MCC: variants seen among roughly 807,000 people sequenced by gnomAD.
The protein encoded by MCC is MCC regulator of Wnt signaling pathway, also known as colorectal mutant cancer protein.
Under a neutral mutation model 116.2 loss-of-function variants are expected in MCC, and 90 were observed. The observed-to-expected ratio is 0.77, with a 90% CI of 0.65 to 0.92. The LOEUF (loss-of-function observed/expected upper bound fraction) is 0.92, where lower values mean the gene tolerates loss of function less well. Among genes scored for constraint, MCC ranks in the 40% least tolerant of loss-of-function variants. The pLI, the probability that MCC is intolerant of heterozygous loss-of-function variation, is 0.00. For synonymous variants in MCC, 578 were observed against 510.5 expected (o/e 1.13, Z -1.78); for missense variants, 1,516 against 1,312.2 (o/e 1.16, Z -2.40).
chr5:113,221,436 C>G (rs1763548564), intron 3 of MCC, among the ~76,000 whole-genome samples: 1 of 152,226 alleles, frequency 6.6e-6, no homozygotes, highest in Non-Finnish European at 1.5e-5. Flanking sequence ...ATGATAACAG[C>G]CCTTTCCCAA....
chr5:113,183,474 T>A (rs1761729434), intron 3 of MCC, among the ~76,000 whole-genome samples: 1 of 152,134 alleles, frequency 6.6e-6, no homozygotes, highest in Admixed American at 6.5e-5. Flanking sequence ...TATTATGGCC[T>A]CTAATGGAAA....
intron 6 of MCC, among the ~76,000 whole-genome samples, chr5:113,107,781 T>C (rs898241179): frequency 6.6e-6 from 1 of 152,154 alleles, no homozygotes; most frequent in Non-Finnish European, 1.5e-5. Flanking sequence ...ATAATGACAA[T>C]GGACATGTCT....
At chr5:113,175,175 A>G (rs1025813204) in intron 3 of MCC, among the ~76,000 whole-genome samples, 3 of 152,206 alleles carry the variant, frequency 2.0e-5, no homozygotes, top group East Asian at 3.8e-4. Context: ...ATAAGTTACT[A>G]TTCTTGAAAA....
intron 3 of MCC, among the ~76,000 whole-genome samples, chr5:113,239,920 A>G (rs1164984357): frequency 6.6e-6 from 1 of 152,136 alleles, no homozygotes; most frequent in East Asian, 1.9e-4. Flanking sequence ...TAGGTGACTG[A>G]GTCTCCACAC....
At chr5:113,273,396 A>G (rs1032921644) in intron 3 of MCC, among the ~76,000 whole-genome samples, 1 of 152,238 alleles carries the variant, frequency 6.6e-6, no homozygotes, top group Non-Finnish European at 1.5e-5. Context: ...ATAAAGCTGG[A>G]AATCAGGGAT....
At chr5:113,453,664 T>TG (rs1202944703) in intron 1 of MCC, among the ~76,000 whole-genome samples, 1 of 152,148 alleles carries the variant, frequency 6.6e-6, no homozygotes, top group African/African-American at 2.4e-5. Flanking sequence ...TTAAGCTGAA[T>TG]GGGAAGAAGA....
At chr5:113,155,096 C>T (rs1760097224) in intron 3 of MCC, among the ~76,000 whole-genome samples, 2 of 152,150 alleles carry the variant, frequency 1.3e-5, no homozygotes, top group Admixed American at 6.5e-5. Flanking sequence ...TCTGTGAGAT[C>T]AACTTTTTTA....
intron 1 of MCC, among the ~76,000 whole-genome samples, chr5:113,406,787 T>C (rs1245549403): frequency 2.0e-5 from 3 of 152,182 alleles, no homozygotes; most frequent in Non-Finnish European, 2.9e-5. Context: ...GTCACTGATA[T>C]CCTACCAGCA....
At chr5:113,348,198 A>G (rs150884084) in intron 2 of MCC, among the ~76,000 whole-genome samples, 69 of 152,232 alleles carry the variant, frequency 4.5e-4, no homozygotes, top group Non-Finnish European at 8.4e-4. Context: ...CTTAATCTGC[A>G]TAATAGAACA....
intron 8 of MCC, among the ~76,000 whole-genome samples, chr5:113,092,729 G>A (rs1336042740): frequency 1.3e-5 from 2 of 152,190 alleles, no homozygotes; most frequent in Non-Finnish European, 2.9e-5. Flanking sequence ...TGACGTAGGT[G>A]GTGAAATACT....
At chr5:113,253,740 T>A (rs577337075) in intron 3 of MCC, among the ~76,000 whole-genome samples, 1 of 152,110 alleles carries the variant, frequency 6.6e-6, no homozygotes, top group Admixed American at 6.5e-5. Flanking sequence ...TCATAACTCA[T>A]GGAGCTAAAG....
chr5:113,317,929 T>C (rs780185558), intron 3 of MCC, among the ~76,000 whole-genome samples: 1 of 152,190 alleles, frequency 6.6e-6, no homozygotes, highest in African/African-American at 2.4e-5. Flanking sequence ...GTCTTACAGA[T>C]TTAAGATTTC....
At chr5:113,423,394 A>G (rs577778447) in intron 1 of MCC, among the ~76,000 whole-genome samples, 2 of 152,314 alleles carry the variant, frequency 1.3e-5, no homozygotes, top group East Asian at 3.9e-4. Flanking sequence ...CCTATACATA[A>G]CACAAAGCTA....
chr5:113,379,004 A>G (rs527984307), intron 2 of MCC, among the ~76,000 whole-genome samples: 1 of 152,246 alleles, frequency 6.6e-6, no homozygotes, highest in South Asian at 2.1e-4. Flanking sequence ...GGTAGCATAC[A>G]GAATACCTCA....
At chr5:113,323,994 C>T (rs1767486185) in intron 3 of MCC, among the ~76,000 whole-genome samples, 1 of 152,128 alleles carries the variant, frequency 6.6e-6, no homozygotes, top group Admixed American at 6.5e-5. Context: ...AGAAGAATGA[C>T]CAGGAAAGAT....
intron 1 of MCC, among the ~76,000 whole-genome samples, chr5:113,443,991 T>TTGTGTGTG (rs34145955): frequency 0.057 from 8,149 of 144,008 alleles, 635 homozygotes; most frequent in African/African-American, 0.18. Context: ...CTCGGCTAAT[T>TTGTGTGTG]TGTGTGTGTG....
chr5:113,161,403 T>C (rs1444879147), intron 3 of MCC, among the ~76,000 whole-genome samples: 1 of 152,238 alleles, frequency 6.6e-6, no homozygotes, highest in Admixed American at 6.5e-5. Flanking sequence ...TCTGAATTGT[T>C]CATAAATTTT....
At chr5:113,439,691 A>T (rs1241695454) in intron 1 of MCC, among the ~76,000 whole-genome samples, 1 of 152,198 alleles carries the variant, frequency 6.6e-6, no homozygotes, top group Non-Finnish European at 1.5e-5. Flanking sequence ...TTAATAACTC[A>T]TTCAATCTCT....
At chr5:113,181,881 CA>C (rs1471477468) in intron 3 of MCC, among the ~76,000 whole-genome samples, 3 of 152,146 alleles carry the variant, frequency 2.0e-5, no homozygotes, top group Non-Finnish European at 2.9e-5. Context: ...TTCTGAGGCC[CA>C]GGGGGGTTTT....
Sources: allele counts gnomAD v4.1 joint callset (sites outside exome capture counted in the v4.1 genomes callset), GRCh38; gene constraint gnomAD v4.1.1; transcripts MANE v1.5; gene names NCBI Gene and HGNC (gene_info 2026-07-23, HGNC 2026-07-21).